The following RAB11FIP1 variants were observed in gnomAD, a reference collection of about 807,000 sequenced individuals.
The protein encoded by RAB11FIP1 is rab11 family-interacting protein 1.
A neutral mutation model predicts 83.1 loss-of-function variants in RAB11FIP1; 49 were observed. The ratio of observed to expected loss-of-function variants is 0.59; its 90% CI spans 0.47 to 0.75. RAB11FIP1 has a LOEUF of 0.75. Ranked by LOEUF, RAB11FIP1 falls within the 30% of genes least tolerant of loss-of-function variation. The pLI is 0.00. For synonymous variants in RAB11FIP1, 670 were observed against 656.0 expected, an observed-to-expected ratio of 1.02 and a Z score of -0.33; for missense variants, 1,536 against 1,598.7, an observed-to-expected ratio of 0.96 and a Z score of 0.67.
At position 37,862,634 on chromosome 8, in the gene RAB11FIP1, T is replaced by G. The variant is rs559865451; in HGVS notation, c.*261A>C. 7.7e-6 allele frequency: 3 copies of G among 387,866 alleles called. No individual in the cohort carries two copies. The highest frequency in any genetic ancestry group is 4.0e-5 in the African/African-American group (2 of 49,696). The allele number at this position is 387,866 out of a possible 1,614,324, so 24.0% of individuals were successfully genotyped here. On this transcript the variant is annotated 3_prime_UTR_variant, in exon 6 of 6. Coordinates refer to ENST00000330843, the MANE Select transcript of RAB11FIP1 (RefSeq NM_001002814.3). ...CTCAGGATCAGATCTTATGACCACA[T>G]CTCTGGTGGGCATAAAATATTTACA... is the stretch of plus-strand genomic sequence containing the variant.
intron 1 of RAB11FIP1, among the ~76,000 whole-genome samples, chr8:37,883,175 GT>G (rs939874178): frequency 1.3e-5 from 2 of 150,164 alleles, no homozygotes; most frequent in Non-Finnish European, 3.0e-5. Flanking sequence ...TTTTTTTCTG[GT>G]TTTTTTTTCT....
rs1806638438 is a variant in RAB11FIP1, at chr8:37,877,332, TGTC to T, written c.588_590del (p.Thr197del). The T allele has an allele frequency of 6.2e-7, 1 of 1,614,050 alleles. No individual in the cohort carries two copies. Among genetic ancestry groups the T allele is most frequent in the South Asian group, 1.1e-5 (1 of 91,090 alleles). On this transcript the variant is annotated inframe_deletion, in exon 2 of 6. Coordinates refer to ENST00000330843, the MANE Select transcript of RAB11FIP1 (RefSeq NM_001002814.3). ...ACTCATCATCACTGTCGACCGAAGG[TGTC>T]GTGCTAGGGATGATGGCGGAGGCGG...
chr8:37,873,416 C>T, intron 3 of RAB11FIP1: 2 of 424,106 alleles, frequency 4.7e-6, no homozygotes, highest in Admixed American at 4.2e-5. Context: ...ACCAGCCCAG[C>T]CAACATGGTG....
In RAB11FIP1 at chr8:37,858,750, A is replaced by T. The variant is rs1164285688; in HGVS notation, c.*4145T>A. 1 of 152,246 alleles carries T rather than the reference A, an allele frequency of 6.6e-6. No individual in the cohort carries two copies. The highest frequency in any genetic ancestry group is 1.5e-5 in the Non-Finnish European group (1 of 68,064). The allele number at this position is 152,246 out of a possible 1,614,324, so 9.4% of individuals were successfully genotyped here. On this transcript the variant is annotated 3_prime_UTR_variant, in exon 6 of 6. Coordinates refer to ENST00000330843, the MANE Select transcript of RAB11FIP1 (RefSeq NM_001002814.3). ...CAAGATGAAGGGTGCATCCGAAGGG[A>T]CCAGACATGTCCGTCCTCTTTGAGA...
intron 5 of RAB11FIP1, among the ~76,000 whole-genome samples, chr8:37,868,612 C>T (rs987249933): frequency 1.1e-4 from 16 of 152,244 alleles, no homozygotes; most frequent in African/African-American, 3.6e-4. Flanking sequence ...TCCTTGCCCA[C>T]TAAAGGTCAC....
intron 1 of RAB11FIP1, among the ~76,000 whole-genome samples, chr8:37,897,308 C>G (rs1585453110): frequency 6.6e-6 from 1 of 151,342 alleles, no homozygotes; most frequent in South Asian, 2.1e-4. Flanking sequence ...GAGGACAAAC[C>G]CTCTGGCTTT....
At position 37,877,514 on chromosome 8, in the gene RAB11FIP1, T is replaced by G. The variant is rs762273529; in HGVS notation, c.409A>C (p.Lys137Gln). ...KLKSKPGKKD[K>Q]ERGEIEVDIQ... ...TCAACCTCAATTTCTCCTCGCTCCT[T>G]GTCCTTCTTTCCTGGTTTGGATTTC... The change falls in exon 2 of 6, where the codon AAG (lysine) becomes CAG (glutamine). Residue 137 changes from lysine to glutamine, a missense_variant. Physicochemically the swap from Lys to Gln is moderately conservative, Grantham distance 53. Transcript: ENST00000330843. 6.2e-7 allele frequency: 1 copy of G among 1,610,788 alleles called. No individual in the cohort carries two copies. The highest frequency in any genetic ancestry group is 2.2e-5 in the East Asian group (1 of 44,868).
chr8:37,872,626 C>T lies in RAB11FIP1; in HGVS notation c.2176G>A (p.Val726Ile). 1 of 1,614,206 alleles carries T rather than the reference C, an allele frequency of 6.2e-7. No homozygotes were observed. Among genetic ancestry groups the T allele is most frequent in the Non-Finnish European group, 8.5e-7 (1 of 1,180,040 alleles). ...YSPSSGEAQEVPFALSLSSDG... is the reference protein window; with the variant it reads ...YSPSSGEAQEIPFALSLSSDG... ...CTGCTGAGTGAAAGGGCAAACGGTA[C>T]TTCCTGGGCTTCTCCAGATGATGGG... The change falls in exon 4 of 6, where the codon GTA becomes ATA. Residue 726 changes from valine to isoleucine, a missense_variant. Coordinates refer to ENST00000330843, the MANE Select transcript of RAB11FIP1 (RefSeq NM_001002814.3).
At chr8:37,870,710 G>A (rs1228939566) in intron 4 of RAB11FIP1, 182 bp from the exon 5 acceptor site, 6 of 519,744 alleles carry the variant, frequency 1.2e-5, no homozygotes, top group Non-Finnish European at 1.4e-5. Context: ...AGTCAGGACA[G>A]GGCTGCCACA....
In RAB11FIP1 at chr8:37,862,096, C is replaced by G. The variant is rs1414718190; in HGVS notation, c.*799G>C. On this transcript the variant is annotated 3_prime_UTR_variant, in exon 6 of 6. Coordinates refer to ENST00000330843, the MANE Select transcript of RAB11FIP1 (RefSeq NM_001002814.3). ...CAAAGCGCTGAATAGGCTGGTCTAG[C>G]CAGCAGGAACCTGGCTGTCATAAGA... 6.6e-6 allele frequency: 1 copy of G among 152,620 alleles called. No homozygotes were observed. Among genetic ancestry groups the G allele is most frequent in the African/African-American group, 2.4e-5 (1 of 41,440 alleles). The allele number at this position is 152,620 out of a possible 1,614,324, so 9.5% of individuals were successfully genotyped here.
At chr8:37,866,402 A>T (rs1008352643) in intron 5 of RAB11FIP1, among the ~76,000 whole-genome samples, 1 of 152,174 alleles carries the variant, frequency 6.6e-6, no homozygotes, top group Non-Finnish European at 1.5e-5. Flanking sequence ...GAGAAGAAGA[A>T]GCACAGAGAA....
At chr8:37,886,655 C>G (rs1366699813) in intron 1 of RAB11FIP1, among the ~76,000 whole-genome samples, 3 of 152,184 alleles carry the variant, frequency 2.0e-5, no homozygotes, top group Non-Finnish European at 4.4e-5. Flanking sequence ...CATCATGACA[C>G]AGGGGATGAT....
intron 3 of RAB11FIP1, 191 bp from the exon 4 acceptor site, chr8:37,873,370 C>T (rs1304609913): frequency 5.7e-6 from 3 of 523,226 alleles, no homozygotes; most frequent in East Asian, 3.4e-5. Context: ...TGTGGGAGGC[C>T]GAGGCAGGCG....
At position 37,866,668 on chromosome 8, in the gene RAB11FIP1, A is replaced by C. The variant is rs577787314; in HGVS notation, c.3634-3555T>G. Among the ~76,000 whole-genome samples, 7 of 83,132 alleles carry C rather than the reference A, an allele frequency of 8.4e-5. 1 individual carries two copies. The highest frequency in any genetic ancestry group is 3.2e-4 in the African/African-American group (6 of 18,612). The allele number at this position is 83,132 out of a possible 152,430, so 54.5% of individuals were successfully genotyped here. A position where few individuals can be genotyped will look rare whatever the true frequency, so the allele number is the denominator to read the frequency against. ...TAAAGGATGGAGGCGCTAAAACAAC[A>C]ACCAAGAAAAGAAAAAAAAAAAACA... On this transcript the variant is annotated intron_variant, in intron 5 of 5. Coordinates refer to ENST00000330843, the MANE Select transcript of RAB11FIP1 (RefSeq NM_001002814.3).
chr8:37,894,890 C>G (rs1585450566), intron 1 of RAB11FIP1, among the ~76,000 whole-genome samples: 1 of 150,256 alleles, frequency 6.7e-6, no homozygotes, highest in Non-Finnish European at 1.5e-5. Context: ...GCTGCGATTA[C>G]AGGCACCCAG....
In RAB11FIP1 at chr8:37,862,831, CT is replaced by C. The variant is rs1806265934; in HGVS notation, c.*63del. 8 of 1,365,562 alleles carry C rather than the reference CT, an allele frequency of 5.9e-6. No individual in the cohort carries two copies. The highest frequency in any genetic ancestry group is 8.2e-6 in the Non-Finnish European group (8 of 976,268). The allele number at this position is 1,365,562 out of a possible 1,614,324, so 84.6% of individuals were successfully genotyped here. A position where few individuals can be genotyped will look rare whatever the true frequency, so the allele number is the denominator to read the frequency against. On this transcript the variant is annotated 3_prime_UTR_variant, in exon 6 of 6. Transcript: ENST00000330843. ...GGCTGGTTATCAGGCAAGGCAAGTC[CT>C]TGACCCCTGGAGCAGGTGAAAGTGA...
At chr8:37,893,076 CT>C (rs1167070715) in intron 1 of RAB11FIP1, among the ~76,000 whole-genome samples, 288 of 138,054 alleles carry the variant, frequency 2.1e-3, no homozygotes, top group African/African-American at 2.2e-3. Context: ...GTTCTTTTTT[CT>C]TTTTTTTTTT....
In RAB11FIP1 at chr8:37,872,808, T is replaced by C. The variant is rs1309658650; in HGVS notation, c.1994A>G (p.Lys665Arg). The change falls in exon 4 of 6, where the codon AAA becomes AGA. Residue 665 changes from lysine to arginine, a missense_variant. Coordinates refer to ENST00000330843, the MANE Select transcript of RAB11FIP1 (RefSeq NM_001002814.3). ...GCCCATCAGAGAATCTTCTGTCCCT[T>C]TATTTGCTGGAAAGGATGGCTGTTT... ...LFKQPSFPANKGTEDSLMGRT... is the reference protein window; with the variant it reads ...LFKQPSFPANRGTEDSLMGRT... 9 of 1,614,084 alleles carry C rather than the reference T, an allele frequency of 5.6e-6. No homozygotes were observed. In the South Asian group the frequency reaches 8.8e-5, roughly 16 times the overall value.
At position 37,881,014 on chromosome 8, in the gene RAB11FIP1, C is replaced by T. The variant is rs1260393237; in HGVS notation, c.372-3463G>A. On this transcript the variant is annotated intron_variant, in intron 1 of 5. Coordinates refer to ENST00000330843, the MANE Select transcript of RAB11FIP1 (RefSeq NM_001002814.3). ...CTTCAGCCATGGCTGGTGGCTCGCT[C>T]ACAGGGCAGATCCCTGCCCCCACTG... Among the ~76,000 whole-genome samples the T allele has an allele frequency of 9.2e-5, 14 of 152,184 alleles. 1 individual carries two copies. The highest frequency in any genetic ancestry group is 9.2e-4 in the Admixed American group (14 of 15,272).
Sources: allele counts gnomAD v4.1 joint callset (sites outside exome capture counted in the v4.1 genomes callset), GRCh38; gene constraint gnomAD v4.1.1; transcripts MANE v1.5; gene names NCBI Gene and HGNC (gene_info 2026-07-23, HGNC 2026-07-21).